Variants in TJP1 observed in about 807,000 individuals in gnomAD.
TJP1 encodes the protein tight junction protein 1, also known as tight junction protein ZO-1.
Under a neutral mutation model 194.2 loss-of-function variants are expected in TJP1, and 43 were observed. That is an observed-to-expected ratio of 0.22 (90% CI 0.17 to 0.29). The LOEUF is 0.29. Ranked by LOEUF, TJP1 falls within the 10% of genes least tolerant of loss-of-function variation. The pLI is 1.00. For missense variants in TJP1, 1,971 were observed against 2,185.7 expected (o/e 0.90, Z 1.96); for synonymous variants, 801 against 779.0 (o/e 1.03, Z -0.47).
At chr15:29,786,690 T>C (rs45575837) in intron 2 of TJP1, among the ~76,000 whole-genome samples, 130 of 152,146 alleles carry the variant, frequency 8.5e-4, no homozygotes, top group Middle Eastern at 3.4e-3. Flanking sequence ...TGTGTAGAGA[T>C]AGGGTCTCAC....
intron 2 of TJP1, among the ~76,000 whole-genome samples, chr15:29,776,954 A>T (rs2047052715): frequency 6.6e-6 from 1 of 152,164 alleles, no homozygotes; most frequent in Non-Finnish European, 1.5e-5. Flanking sequence ...ATGTTTGTCA[A>T]ATATTCAAGT....
At chr15:29,887,499 C>T (rs2152146261) in intron 2 of TJP1, among the ~76,000 whole-genome samples, 2 of 151,936 alleles carry the variant, frequency 1.3e-5, no homozygotes, top group South Asian at 2.1e-4. Context: ...TGAGGTTTCA[C>T]CACGTTAGCC....
Position 29,708,564 on chromosome 15 carries a change from A to T in TJP1, c.4845T>A (p.Pro1615=). The T allele has an allele frequency of 6.2e-7, 1 of 1,604,240 alleles. No individual in the cohort carries two copies. Among genetic ancestry groups the T allele is most frequent in the Non-Finnish European group, 8.5e-7 (1 of 1,171,704 alleles). ...AGCAAAGGCATAAGTCTTACCTCAC[A>T]GGAATAGCTTTAGGCACTGTGCTGA... ...NNISTVPKAI[P]VSPSAVEEDE... is the part of the protein sequence containing the mutation. The change falls in exon 25 of 28, where the codon CCT becomes CCA. Residue 1615 remains proline, a synonymous_variant. Transcript: ENST00000614355.
chr15:29,728,185 CT>C (rs201486703), intron 15 of TJP1, 166 bp from the exon 16 acceptor site: 6,943 of 343,162 alleles, frequency 0.02, 2 homozygotes, highest in East Asian at 0.036. Flanking sequence ...GCATACTTCC[CT>C]TTTTTTTTTT....
chr15:29,877,618 C>G (rs758474205), intron 2 of TJP1, among the ~76,000 whole-genome samples: 1 of 146,868 alleles, frequency 6.8e-6, no homozygotes, highest in Non-Finnish European at 1.5e-5. Context: ...TTCCCTCCTC[C>G]TCCTCCTTCT....
intron 2 of TJP1, among the ~76,000 whole-genome samples, chr15:29,835,354 A>G (rs1463960791): frequency 6.6e-6 from 1 of 152,234 alleles, no homozygotes; most frequent in Admixed American, 6.5e-5. Context: ...CACATTTAAA[A>G]ACATACAAAA....
intron 2 of TJP1, among the ~76,000 whole-genome samples, chr15:29,847,214 C>T (rs1296034503): frequency 6.6e-6 from 1 of 151,958 alleles, no homozygotes; most frequent in Non-Finnish European, 1.5e-5. Context: ...GCAATCTTTT[C>T]CTCTCAGCTT....
chr15:29,791,186 T>C (rs1363800606), intron 2 of TJP1, among the ~76,000 whole-genome samples: 1 of 151,490 alleles, frequency 6.6e-6, no homozygotes, highest in African/African-American at 2.4e-5. Flanking sequence ...ACCACCACAT[T>C]TGGCTAATTT....
intron 2 of TJP1, among the ~76,000 whole-genome samples, chr15:29,901,079 T>C (rs1230471941): frequency 6.6e-6 from 1 of 151,772 alleles, no homozygotes; most frequent in East Asian, 1.9e-4. Flanking sequence ...AGGACAGTAG[T>C]GGCTAGACTT....
At chr15:29,870,970 G>C (rs1366188058) in intron 2 of TJP1, among the ~76,000 whole-genome samples, 1 of 152,190 alleles carries the variant, frequency 6.6e-6, no homozygotes, top group Non-Finnish European at 1.5e-5. Flanking sequence ...GGGAACTGGC[G>C]GCCAGCCCCA....
At chr15:29,860,911 C>T (rs955521119) in intron 2 of TJP1, among the ~76,000 whole-genome samples, 2 of 152,174 alleles carry the variant, frequency 1.3e-5, no homozygotes, top group Non-Finnish European at 2.9e-5. Flanking sequence ...CATTGTTCTT[C>T]TTACATGTAA....
At position 29,719,060 on chromosome 15, in the gene TJP1, C is replaced by T. The variant is rs1194485442; in HGVS notation, c.3082G>A (p.Gly1028Arg). 1 of 1,614,138 alleles carries T rather than the reference C, an allele frequency of 6.2e-7. No individual in the cohort carries two copies. Among genetic ancestry groups the T allele is most frequent in the Non-Finnish European group, 8.5e-7 (1 of 1,180,034 alleles). Residue 1028 changes from glycine (G) to arginine (R), a missense_variant, in exon 21 of 28, where the codon GGG becomes AGG. Coordinates refer to ENST00000614355, the MANE Select transcript of TJP1 (RefSeq NM_001330239.4). ...TTAGGCTCTTTGTCTGGCCTGTGCC[C>T]TGGGTGACTAACGGCTGGCTGTTTC... The part of the protein sequence containing the change: ...VLKQPAVSHP[G>R]HRPDKEPNLT...
At chr15:29,891,126 A>C (rs2053293560) in intron 2 of TJP1, among the ~76,000 whole-genome samples, 2 of 152,188 alleles carry the variant, frequency 1.3e-5, no homozygotes, top group Non-Finnish European at 2.9e-5. Flanking sequence ...TCTTCCATGC[A>C]ATACTCTGAA....
At chr15:29,872,846 A>C (rs62014488) in intron 2 of TJP1, among the ~76,000 whole-genome samples, 1 of 152,132 alleles carries the variant, frequency 6.6e-6, no homozygotes, top group Non-Finnish European at 1.5e-5. Context: ...ACTCTGAGTG[A>C]GTCTCACAGG....
chr15:29,813,848 C>A (rs1367586034), intron 1 of TJP1, among the ~76,000 whole-genome samples: 1 of 152,192 alleles, frequency 6.6e-6, no homozygotes, highest in African/African-American at 2.4e-5. Flanking sequence ...GCACCTACAA[C>A]AGTGATTGGT....
intron 2 of TJP1, among the ~76,000 whole-genome samples, chr15:29,794,591 G>C (rs2048290727): frequency 6.6e-6 from 1 of 152,176 alleles, no homozygotes; most frequent in South Asian, 2.1e-4. Context: ...CTGAGCTAAT[G>C]AGACACAGGT....
At chr15:29,743,675 T>C (rs1397193322) in intron 8 of TJP1, among the ~76,000 whole-genome samples, 1 of 152,096 alleles carries the variant, frequency 6.6e-6, no homozygotes, top group Non-Finnish European at 1.5e-5. Flanking sequence ...TGAAGTGAGC[T>C]ATGATAGAGC....
At chr15:29,733,467 A>C (rs545242732) in intron 12 of TJP1, among the ~76,000 whole-genome samples, 154 bp from the exon 13 acceptor site, 6 of 152,356 alleles carry the variant, frequency 3.9e-5, no homozygotes, top group Admixed American at 2.0e-4. Context: ...TGTATTCATC[A>C]CTGTAAGAAT....
chr15:29,898,431 C>CAACATTCAAATCATGGCAATAGAA (rs1397059543), intron 2 of TJP1, among the ~76,000 whole-genome samples: 5 of 152,168 alleles, frequency 3.3e-5, no homozygotes, highest in Non-Finnish European at 7.3e-5. Context: ...TGAACGAATA[C>CAACATTCAAATCATGGCAATAGAA]AACAAACATT....
Sources: gnomAD v4.1 joint callset for allele counts (sites outside exome capture counted in the v4.1 genomes callset) on GRCh38, gnomAD v4.1.1 for gene constraint, MANE v1.5 for transcripts, NCBI Gene and HGNC (gene_info 2026-07-23, HGNC 2026-07-21) for gene names.